Variants in DMD observed in about 807,000 individuals in gnomAD.
DMD encodes the protein dystrophin.
In DMD, 63 loss-of-function variants were observed where a neutral mutation model predicts 330.1. The observed-to-expected ratio is 0.19, with a 90% CI of 0.16 to 0.24. The LOEUF (loss-of-function observed/expected upper bound fraction) is 0.24. Ranked by LOEUF, DMD falls within the 10% of genes least tolerant of loss-of-function variation. The pLI, the probability that DMD is intolerant of heterozygous loss-of-function variation, is 1.00. For missense variants in DMD, 3,344 were observed against 2,684.1 expected, an observed-to-expected ratio of 1.25 and a Z score of -5.43; for synonymous variants, 1,223 against 959.8, an observed-to-expected ratio of 1.27 and a Z score of -5.07.
chrX:32,706,433 A>G (rs1343411411), intron 7 of DMD, among the ~76,000 whole-genome samples: 4 of 110,529 alleles, frequency 3.6e-5, no homozygotes, highest in Non-Finnish European at 7.6e-5. Context: ...ACACGCCTCT[A>G]ATCCCAGGTG....
intron 44 of DMD, among the ~76,000 whole-genome samples, chrX:32,072,453 G>C (rs1159635312): frequency 9.1e-6 from 1 of 109,800 alleles, no homozygotes; most frequent in East Asian, 2.9e-4. Context: ...CTTTACAAAA[G>C]AGGTTCCAAA....
chrX:32,096,200 C>G (rs2096504864), intron 44 of DMD, among the ~76,000 whole-genome samples: 1 of 111,841 alleles, frequency 8.9e-6, no homozygotes, highest in Non-Finnish European at 1.9e-5. Context: ...ATCCCCCAAA[C>G]CTCACTTTAC....
At chrX:33,250,111 A>ATATATATATATATATATATC (rs2052747894) in intron 1 of DMD, among the ~76,000 whole-genome samples, 2 of 87,358 alleles carry the variant, frequency 2.3e-5, no homozygotes, top group Admixed American at 1.2e-4. Flanking sequence ...ATATATATAT[A>ATATATATATATATATATATC]TCAATGTACA....
intron 43 of DMD, among the ~76,000 whole-genome samples, chrX:32,276,432 A>G (rs2097387829): frequency 8.9e-6 from 1 of 112,103 alleles, no homozygotes; most frequent in African/African-American, 3.2e-5. Context: ...TTCCTCCCCC[A>G]CCTCAAGCAG....
chrX:31,877,967 C>T lies in DMD; in HGVS notation c.6913-2594G>A, dbSNP rs73217935. 1.9e-3 allele frequency among the ~76,000 whole-genome samples: 209 copies of T among 111,518 alleles called. 1 individual carries two copies. Among genetic ancestry groups the T allele is most frequent in the Non-Finnish European group, 3.6e-3 (189 of 53,086 alleles). On this transcript the variant is annotated intron_variant, in intron 47 of 78. Transcript: ENST00000357033. ...TTTTCCTAAAATCTCTAAAACTGAG[C>T]GATGAACTCCTTTTTATCTGATCAT...
intron 25 of DMD, among the ~76,000 whole-genome samples, chrX:32,456,245 G>A (rs150987050): frequency 5.4e-5 from 6 of 110,371 alleles, no homozygotes; most frequent in Non-Finnish European, 7.6e-5. Context: ...TTCATTTTAG[G>A]TTCTTTACTT....
At chrX:32,401,238 G>A (rs1023361977) in intron 30 of DMD, among the ~76,000 whole-genome samples, 49 of 107,939 alleles carry the variant, frequency 4.5e-4, no homozygotes, top group African/African-American at 1.7e-3. Flanking sequence ...GCTAGATGAC[G>A]AGTTAGTGGG....
chrX:33,227,247 T>G (rs2052308199), intron 1 of DMD, among the ~76,000 whole-genome samples: 2 of 110,960 alleles, frequency 1.8e-5, no homozygotes, highest in Admixed American at 9.7e-5. Context: ...CATTTTAGAG[T>G]GCAACTTCAG....
rs1032789493 is a variant in DMD at position 32,816,507 on chromosome X, G to C, written c.491C>G (p.Ser164Cys). 2 of 1,211,552 alleles carry C rather than the reference G, an allele frequency of 1.7e-6. No individual in the cohort carries two copies. Among genetic ancestry groups the C allele is most frequent in the Non-Finnish European group, 2.2e-6 (2 of 895,349 alleles). ...GAGAGCATTCAAAGCCAGGCCATCA[G>C]ACCAGCTGGTGGTGAAGTTGATTAC... ...VNVINFTTSW[S>C]DGLALNALIH... Residue 164 changes from serine to cysteine, a missense_variant, in exon 6 of 79, where the codon TCT becomes TGT. Coordinates refer to ENST00000357033, the MANE Select transcript of DMD (RefSeq NM_004006.3).
chrX:32,889,874 C>T (rs936736186), intron 2 of DMD, among the ~76,000 whole-genome samples: 3 of 111,346 alleles, frequency 2.7e-5, no homozygotes, highest in Admixed American at 1.9e-4. Flanking sequence ...GGTCTCTTCA[C>T]TCGGAGGGGC....
chrX:31,714,609 A>T (rs1191442671), intron 52 of DMD, among the ~76,000 whole-genome samples: 2 of 111,392 alleles, frequency 1.8e-5, no homozygotes, highest in African/African-American at 6.5e-5. Context: ...TGAAATTTTC[A>T]ATTGGAAATC....
At chrX:33,137,268 T>A (rs1407938678) in intron 1 of DMD, among the ~76,000 whole-genome samples, 1 of 111,528 alleles carries the variant, frequency 9.0e-6, no homozygotes, top group Non-Finnish European at 1.9e-5. Context: ...TAACTTGGCA[T>A]GAGGACTATT....
rs55674554 is a variant in DMD, at chrX:31,187,717, CAG to C, written c.9808-4815_9808-4814del. The stretch of plus-strand genomic sequence containing the variant: ...CAGCTCTGGAATCTTCCCAGATTCT[CAG>C]AGAGAGAGAGAGAGAGAGAGAGAGA... On this transcript the variant is annotated intron_variant, in intron 67 of 78. Transcript: ENST00000357033. Among the ~76,000 whole-genome samples, 91 of 66,662 alleles carry C rather than the reference CAG, an allele frequency of 1.4e-3. 1 individual carries two copies. Among genetic ancestry groups the C allele is most frequent in the East Asian group, 6.7e-3 (13 of 1,937 alleles). 57.9% of individuals were successfully genotyped at this position (66,662 alleles called of 115,157 possible). A position where few individuals can be genotyped will look rare whatever the true frequency, so the allele number is the denominator to read the frequency against.
At chrX:31,334,444 TCTC>T (rs1303415523) in intron 61 of DMD, among the ~76,000 whole-genome samples, 3 of 111,406 alleles carry the variant, frequency 2.7e-5, no homozygotes, top group African/African-American at 9.8e-5. Flanking sequence ...AGATAGAACA[TCTC>T]CTTTCTCTCA....
intron 44 of DMD, among the ~76,000 whole-genome samples, chrX:32,054,021 G>C (rs1249533832): frequency 2.9e-5 from 3 of 102,437 alleles, no homozygotes; most frequent in Non-Finnish European, 5.9e-5. Flanking sequence ...CTATACACAA[G>C]AAGCTTTCAT....
chrX:31,281,932 T>A (rs776250822), intron 62 of DMD, among the ~76,000 whole-genome samples: 1 of 112,282 alleles, frequency 8.9e-6, no homozygotes, highest in Non-Finnish European at 1.9e-5. Flanking sequence ...TACTGATCTA[T>A]GGCCCTCAAA....
At chrX:32,834,876 T>A (rs1271815419) in intron 4 of DMD, among the ~76,000 whole-genome samples, 5 of 110,977 alleles carry the variant, frequency 4.5e-5, no homozygotes, top group African/African-American at 1.6e-4. Context: ...ATAAAAGGGA[T>A]CGGAATTCAT....
chrX:32,238,425 C>A (rs1289276705), intron 43 of DMD, among the ~76,000 whole-genome samples: 1 of 104,920 alleles, frequency 9.5e-6, no homozygotes, highest in Non-Finnish European at 1.9e-5. Flanking sequence ...ACATGTGTTC[C>A]CACAGAAGAA....
At chrX:31,368,421 C>G (rs2059375462) in intron 60 of DMD, among the ~76,000 whole-genome samples, 1 of 111,874 alleles carries the variant, frequency 8.9e-6, no homozygotes, top group Non-Finnish European at 1.9e-5. Flanking sequence ...AGATCCAATG[C>G]TTGCCCATAT....
Sources: gnomAD v4.1 joint callset for allele counts (sites outside exome capture counted in the v4.1 genomes callset) on GRCh38, gnomAD v4.1.1 for gene constraint, MANE v1.5 for transcripts, NCBI Gene and HGNC (gene_info 2026-07-23, HGNC 2026-07-21) for gene names.